Variants in TULP4 observed in about 807,000 individuals in gnomAD.
The protein encoded by TULP4 is tubby-related protein 4.
In TULP4, 16 loss-of-function variants were observed where a neutral mutation model predicts 129.0. That is an observed-to-expected ratio of 0.12 (90% confidence interval 0.08 to 0.19). The LOEUF is 0.19. Ranked by LOEUF, TULP4 falls within the 10% of genes least tolerant of loss-of-function variation. TULP4 has a pLI of 1.00. For synonymous variants in TULP4, 998 were observed against 854.0 expected, an observed-to-expected ratio of 1.17 and a Z score of -2.94; for missense variants, 1,842 against 2,059.1, an observed-to-expected ratio of 0.89 and a Z score of 2.04.
rs755898916 is a variant in TULP4, at chr6:158,429,836, C to T, written c.482C>T (p.Ser161Leu). 31 of 1,613,990 alleles carry T rather than the reference C, an allele frequency of 1.9e-5. No individual in the cohort carries two copies. The highest frequency in any genetic ancestry group is 2.6e-5 in the Non-Finnish European group (31 of 1,180,026). The stretch of plus-strand genomic sequence containing the variant: ...TCTGTCAGTGGACAAAGACACTGGT[C>T]ATCCGAAATCAACTTGGAAAGTCAA... ...VGSVSGQRHW[S>L]SEINLESQIT... The change falls in exon 3 of 14, where the codon TCA (serine) becomes TTA (leucine). Residue 161 changes from serine to leucine, a missense_variant. Transcript: ENST00000367097.
chr6:158,498,802 T>C lies in TULP4; in HGVS notation c.2004T>C (p.Asp668=). 1 of 1,614,228 alleles carries C rather than the reference T, an allele frequency of 6.2e-7. No homozygotes were observed. Among genetic ancestry groups the C allele is most frequent in the South Asian group, 1.1e-5 (1 of 91,076 alleles). ...FNPNVFSEDE[D]DLPVTGASGV... ...CAAATGTTTTCAGTGAAGATGAAGA[T>C]GATTTACCAGGTGTGTTCACATACA... is the stretch of plus-strand genomic sequence containing the variant. Residue 668 remains aspartate (D), a synonymous_variant, in exon 12 of 14, where the codon GAT becomes GAC. Coordinates refer to ENST00000367097, the MANE Select transcript of TULP4 (RefSeq NM_020245.5).
chr6:158,263,093 T>G (rs1421595668), intron 1 of TULP4, among the ~76,000 whole-genome samples: 2 of 152,224 alleles, frequency 1.3e-5, no homozygotes, highest in Non-Finnish European at 2.9e-5. Context: ...AAATTACCTG[T>G]GGTACTTCAG....
chr6:158,347,480 A>G (rs981663906), intron 1 of TULP4, among the ~76,000 whole-genome samples: 6 of 152,242 alleles, frequency 3.9e-5, no homozygotes, highest in African/African-American at 1.2e-4. Context: ...TTTAGTCCAC[A>G]TAACGGCCAA....
upstream of TULP4, among the ~76,000 whole-genome samples, chr6:158,281,146 C>G (rs1283300669): frequency 3.3e-5 from 5 of 151,896 alleles, no homozygotes; most frequent in East Asian, 9.6e-4. Flanking sequence ...TCATTTGTTT[C>G]CATGCATTTT....
chr6:158,340,575 G>A (rs1196546268), intron 1 of TULP4, among the ~76,000 whole-genome samples: 2 of 152,162 alleles, frequency 1.3e-5, no homozygotes, highest in Non-Finnish European at 2.9e-5. Flanking sequence ...TGGGTCTTCT[G>A]AGAACATGTT....
intron 1 of TULP4, among the ~76,000 whole-genome samples, chr6:158,294,732 T>C (rs9347205): frequency 0.15 from 23,066 of 152,090 alleles, 2,407 homozygotes; most frequent in East Asian, 0.43. Context: ...TTCTTTCTTC[T>C]TCTTCTTCTT....
intron 3 of TULP4, among the ~76,000 whole-genome samples, chr6:158,442,264 A>C (rs1390410670): frequency 6.6e-6 from 1 of 152,174 alleles, no homozygotes; most frequent in East Asian, 1.9e-4. Flanking sequence ...CCATGGGAAG[A>C]AATTACTATT....
chr6:158,443,957 C>G (rs561349600), intron 3 of TULP4, among the ~76,000 whole-genome samples: 10 of 152,040 alleles, frequency 6.6e-5, no homozygotes, highest in Non-Finnish European at 1.3e-4. Flanking sequence ...CGGTGGCTCA[C>G]GCCTGTAATC....
chr6:158,471,563 A>G (rs1779682937), intron 6 of TULP4, among the ~76,000 whole-genome samples: 1 of 152,258 alleles, frequency 6.6e-6, no homozygotes, highest in Admixed American at 6.5e-5. Context: ...GTGGTTGGAT[A>G]GGGACTTTAA....
chr6:158,327,059 A>T, intron 1 of TULP4, among the ~76,000 whole-genome samples: 1 of 152,188 alleles, frequency 6.6e-6, no homozygotes. Context: ...ACCAGACTGT[A>T]CTATGATTTT....
intron 1 of TULP4, among the ~76,000 whole-genome samples, chr6:158,332,342 A>G (rs1159298294): frequency 1.3e-5 from 2 of 151,680 alleles, no homozygotes; most frequent in African/African-American, 4.8e-5. Flanking sequence ...CTTATTGGAG[A>G]AGGTGTGGTT....
At chr6:158,239,595 C>G (rs1348916259) in intron 1 of TULP4, among the ~76,000 whole-genome samples, 1 of 63,120 alleles carries the variant, frequency 1.6e-5, no homozygotes, top group Non-Finnish European at 3.6e-5. Context: ...GGGGCTGACC[C>G]CCCCCACCTC....
chr6:158,347,996 T>C (rs1408400764), intron 1 of TULP4, among the ~76,000 whole-genome samples: 1 of 152,100 alleles, frequency 6.6e-6, no homozygotes, highest in Non-Finnish European at 1.5e-5. Flanking sequence ...TTCTTGATCT[T>C]TATTTCTCAT....
intron 1 of TULP4, among the ~76,000 whole-genome samples, chr6:158,349,040 CG>C (rs1780403494): frequency 1.7e-5 from 1 of 60,424 alleles, no homozygotes; most frequent in Non-Finnish European, 3.7e-5. Context: ...CGGGCAGAGG[CG>C]CTCCTCACTT....
intron 1 of TULP4, among the ~76,000 whole-genome samples, chr6:158,315,831 G>T (rs1043955907): frequency 2.0e-5 from 3 of 152,186 alleles, no homozygotes; most frequent in Non-Finnish European, 2.9e-5. Context: ...AAGCTTCCTT[G>T]GGCCTATCTT....
At chr6:158,239,171 G>T (rs1271056706) in intron 1 of TULP4, among the ~76,000 whole-genome samples, 1 of 113,410 alleles carries the variant, frequency 8.8e-6, no homozygotes, top group Admixed American at 8.4e-5. Context: ...GAGGCGGCTG[G>T]CCGGGCGGGG....
intron 6 of TULP4, among the ~76,000 whole-genome samples, chr6:158,477,409 A>G (rs138663768): frequency 6.6e-6 from 1 of 152,284 alleles, no homozygotes; most frequent in East Asian, 1.9e-4. Flanking sequence ...GGTTGTGCTC[A>G]TTGAAAACTG....
intron 1 of TULP4, among the ~76,000 whole-genome samples, chr6:158,371,681 T>C (rs1342108327): frequency 6.6e-6 from 1 of 152,188 alleles, no homozygotes; most frequent in East Asian, 1.9e-4. Flanking sequence ...CCAAATACTT[T>C]AAGATAAAAT....
intron 1 of TULP4, among the ~76,000 whole-genome samples, chr6:158,315,467 GATC>G (rs1562517162): frequency 6.6e-6 from 1 of 152,138 alleles, no homozygotes; most frequent in Non-Finnish European, 1.5e-5. Flanking sequence ...CAAACATTGA[GATC>G]ATAGCAATAT....
Sources: allele counts gnomAD v4.1 joint callset (sites outside exome capture counted in the v4.1 genomes callset), GRCh38; gene constraint gnomAD v4.1.1; transcripts MANE v1.5; gene names NCBI Gene and HGNC (gene_info 2026-07-23, HGNC 2026-07-21).